Variants in ADORA2B observed in about 807,000 individuals in gnomAD.
The protein encoded by ADORA2B is adenosine receptor A2b.
A neutral mutation model predicts 20.8 loss-of-function variants in ADORA2B; 18 were observed. The observed-to-expected ratio is 0.87, with a 90% CI of 0.60 to 1.29. ADORA2B has a LOEUF of 1.29. Among genes scored for constraint, ADORA2B ranks in the 50% most tolerant of loss-of-function variants. The probability of loss-of-function intolerance (pLI) is 0.00; values close to 1 mark genes in which losing one functional copy is unlikely to be tolerated. For missense variants in ADORA2B, 441 were observed against 422.7 expected (o/e 1.04, Z -0.38); for synonymous variants, 179 against 178.3 (o/e 1.00, Z -0.03).
chr17:15,930,945 C>T, the ADORA2B span, among the ~76,000 whole-genome samples: 1 of 152,228 alleles, frequency 6.6e-6, no homozygotes, highest in Non-Finnish European at 1.5e-5. Context: ...CCTAAATTCA[C>T]TGGGAAGGAT....
chr17:15,945,621 C>A, intron 1 of ADORA2B, 38 bp downstream of exon 1: 1 of 1,436,002 alleles, frequency 7.0e-7, no homozygotes, highest in South Asian at 1.5e-5. Context: ...GGGGCCCCGT[C>A]GGAGCTCCGA....
At chr17:15,895,650 T>A in the ADORA2B span, among the ~76,000 whole-genome samples, 1 of 152,184 alleles carries the variant, frequency 6.6e-6, no homozygotes, top group Non-Finnish European at 1.5e-5. Flanking sequence ...ATACGGCTAG[T>A]GTGTCTGAAG....
At chr17:15,949,473 G>A (rs1343344980) in intron 1 of ADORA2B, among the ~76,000 whole-genome samples, 3 of 152,014 alleles carry the variant, frequency 2.0e-5, no homozygotes, top group African/African-American at 7.3e-5. Context: ...GGATCACACC[G>A]CTGCACTCCA....
the ADORA2B span, among the ~76,000 whole-genome samples, chr17:15,874,093 T>C: frequency 4.6e-5 from 6 of 130,548 alleles, no homozygotes; most frequent in South Asian, 7.1e-4. Context: ...TATATATATG[T>C]ATACACACAC....
chr17:15,882,326 T>C, the ADORA2B span, among the ~76,000 whole-genome samples: 2 of 152,138 alleles, frequency 1.3e-5, no homozygotes, highest in African/African-American at 4.8e-5. Context: ...AGGGCCCACA[T>C]TGTGCCTCTT....
chr17:15,973,030 TA>T (rs1970207308), intron 1 of ADORA2B, among the ~76,000 whole-genome samples: 1 of 152,244 alleles, frequency 6.6e-6, no homozygotes, highest in African/African-American at 2.4e-5. Flanking sequence ...TAATATTTGC[TA>T]TTTCCCAATT....
the ADORA2B span, among the ~76,000 whole-genome samples, chr17:15,885,813 T>TC: frequency 6.6e-6 from 1 of 152,236 alleles, no homozygotes; most frequent in East Asian, 1.9e-4. Flanking sequence ...TCTAGCCACT[T>TC]CATCTGAGAG....
At chr17:15,951,875 C>T (rs1969907712) in intron 1 of ADORA2B, among the ~76,000 whole-genome samples, 1 of 152,172 alleles carries the variant, frequency 6.6e-6, no homozygotes, top group South Asian at 2.1e-4. Context: ...CTCAAGCCAC[C>T]CTGGGCCCTG....
intron 1 of ADORA2B, among the ~76,000 whole-genome samples, chr17:15,972,245 C>T (rs1164081786): frequency 2.6e-5 from 4 of 152,120 alleles, no homozygotes; most frequent in African/African-American, 7.2e-5. Context: ...ACGTGTGGAG[C>T]CGAGGCTGGG....
chr17:15,865,144 A>G, the ADORA2B span, among the ~76,000 whole-genome samples: 385 of 152,388 alleles, frequency 2.5e-3, 1 homozygote, highest in African/African-American at 8.5e-3. Context: ...TTACTAGGAC[A>G]GTATCTGTTT....
At chr17:15,893,036 C>G in the ADORA2B span, among the ~76,000 whole-genome samples, 1 of 152,204 alleles carries the variant, frequency 6.6e-6, no homozygotes, top group Non-Finnish European at 1.5e-5. Context: ...AACCTCAACA[C>G]TCTGGGAAGA....
the ADORA2B span, among the ~76,000 whole-genome samples, chr17:15,862,698 A>G: frequency 6.6e-6 from 1 of 152,132 alleles, no homozygotes; most frequent in Non-Finnish European, 1.5e-5. Context: ...TGCAACACAC[A>G]TAACATTTCA....
At chr17:15,946,017 C>T (rs888492663) in intron 1 of ADORA2B, among the ~76,000 whole-genome samples, 1 of 152,174 alleles carries the variant, frequency 6.6e-6, no homozygotes, top group African/African-American at 2.4e-5. Flanking sequence ...AGCGGCAGTC[C>T]CGTGAGTGCT....
At chr17:15,855,465 C>T in the ADORA2B span, among the ~76,000 whole-genome samples, 1 of 151,890 alleles carries the variant, frequency 6.6e-6, no homozygotes, top group African/African-American at 2.4e-5. Context: ...AGAAGCAAAA[C>T]GGTATGCAAA....
At chr17:15,948,229 T>C (rs1463984007) in intron 1 of ADORA2B, among the ~76,000 whole-genome samples, 1 of 126,402 alleles carries the variant, frequency 7.9e-6, no homozygotes, top group African/African-American at 2.8e-5. Context: ...CCAAGGTGTT[T>C]ACTGATGTGA....
chr17:15,960,956 A>C (rs1356165873), intron 1 of ADORA2B, among the ~76,000 whole-genome samples: 2 of 151,260 alleles, frequency 1.3e-5, no homozygotes, highest in African/African-American at 4.9e-5. Flanking sequence ...TCACGAGTTC[A>C]GGAGATTGAG....
At chr17:15,890,920 G>A in the ADORA2B span, among the ~76,000 whole-genome samples, 1 of 152,218 alleles carries the variant, frequency 6.6e-6, no homozygotes, top group Non-Finnish European at 1.5e-5. Context: ...TGTGCAGCAC[G>A]AGGCCACTCA....
the ADORA2B span, among the ~76,000 whole-genome samples, chr17:15,873,422 C>T: frequency 2.6e-5 from 4 of 152,154 alleles, no homozygotes; most frequent in South Asian, 8.3e-4. Flanking sequence ...AAGCTCTTTA[C>T]AGCAAAAGAA....
At position 15,974,773 on chromosome 17, in the gene ADORA2B, TG is replaced by T. The variant is rs1288194960; in HGVS notation, c.432del (p.Trp144Ter). 2.1e-5 allele frequency: 34 copies of T among 1,613,686 alleles called. No individual in the cohort carries two copies. Among genetic ancestry groups the T allele is most frequent in the Non-Finnish European group, 2.8e-5 (33 of 1,179,982 alleles). On this transcript the variant is annotated frameshift_variant, in exon 2 of 2. Coordinates refer to ENST00000304222, the MANE Select transcript of ADORA2B (RefSeq NM_000676.4). LOFTEE classifies it high-confidence loss of function. Reference protein sequence around the residue: ...FGIGLTPFLGWNSKDSATNNC... With the variant: ...FGIGLTPFLGXNSKDSATNNC... The stretch of plus-strand genomic sequence containing the variant: ...CATCGGATTGACTCCATTCCTGGGG[TG>T]GAACAGTAAAGACAGTGCCACCAAC...
Sources: allele counts gnomAD v4.1 joint callset (sites outside exome capture counted in the v4.1 genomes callset), GRCh38; gene constraint gnomAD v4.1.1; transcripts MANE v1.5; gene names NCBI Gene and HGNC (gene_info 2026-07-23, HGNC 2026-07-21).